The following FLI1 variants were observed in gnomAD, a reference collection of about 807,000 sequenced individuals.
The protein encoded by FLI1 is Fli-1 proto-oncogene, ETS transcription factor.
In FLI1, 13 loss-of-function variants were observed where a neutral mutation model predicts 53.1. The ratio of observed to expected loss-of-function variants is 0.24; its 90% CI spans 0.16 to 0.39. The LOEUF is 0.39. Ranked by LOEUF, FLI1 falls within the 10% of genes least tolerant of loss-of-function variation. The pLI, the probability that FLI1 is intolerant of heterozygous loss-of-function variation, is 1.00. For synonymous variants in FLI1, 244 were observed against 236.7 expected, an observed-to-expected ratio of 1.03 and a Z score of -0.28; for missense variants, 424 against 600.5, an observed-to-expected ratio of 0.71 and a Z score of 3.07.
At chr11:128,791,683 G>A (rs773501776) in intron 5 of FLI1, among the ~76,000 whole-genome samples, 2 of 152,180 alleles carry the variant, frequency 1.3e-5, no homozygotes, top group Non-Finnish European at 2.9e-5. Context: ...CTGCTGGTGT[G>A]GCATTGCCTT....
chr11:128,711,591 A>G (rs569356903), intron 1 of FLI1, among the ~76,000 whole-genome samples: 2 of 152,374 alleles, frequency 1.3e-5, no homozygotes, highest in East Asian at 3.9e-4. Flanking sequence ...TTATCAAAGA[A>G]AGGTATGGGC....
At chr11:128,754,515 G>A (rs1054336113) in intron 1 of FLI1, among the ~76,000 whole-genome samples, 2 of 152,244 alleles carry the variant, frequency 1.3e-5, no homozygotes, top group African/African-American at 2.4e-5. Flanking sequence ...GTCTAGTGGA[G>A]CAGTGAGAAT....
intron 1 of FLI1, among the ~76,000 whole-genome samples, chr11:128,707,955 T>C (rs550668812): frequency 2.0e-5 from 3 of 152,330 alleles, no homozygotes; most frequent in Non-Finnish European, 4.4e-5. Context: ...TAAATGTCCA[T>C]AGAAGCTTAA....
At chr11:128,743,688 C>T (rs1010622714) in intron 1 of FLI1, among the ~76,000 whole-genome samples, 1 of 152,134 alleles carries the variant, frequency 6.6e-6, no homozygotes, top group African/African-American at 2.4e-5. Context: ...AAGAATAGAA[C>T]ACTAACTGTC....
chr11:128,765,104 G>A (rs1941284606), intron 2 of FLI1, among the ~76,000 whole-genome samples: 1 of 152,196 alleles, frequency 6.6e-6, no homozygotes, highest in Non-Finnish European at 1.5e-5. Context: ...CTATGGGTCA[G>A]TGAATGAGGA....
chr11:128,750,170 A>C (rs1037455235), intron 1 of FLI1, among the ~76,000 whole-genome samples: 2 of 152,210 alleles, frequency 1.3e-5, no homozygotes, highest in Non-Finnish European at 2.9e-5. Context: ...AGAGCCCTGC[A>C]CTGGGAGCGG....
chr11:128,686,697 T>A (rs1471330225), exon 1 of FLI1: 7 of 344,334 alleles, frequency 2.0e-5, no homozygotes, highest in African/African-American at 1.5e-4. Context: ...TCGTCTTACA[T>A]CAAGGTAAGA....
chr11:128,708,464 C>T (rs1310751036), intron 1 of FLI1, among the ~76,000 whole-genome samples: 3 of 152,104 alleles, frequency 2.0e-5, no homozygotes, highest in South Asian at 2.1e-4. Context: ...TTTTATATAT[C>T]GGTCCCTCTA....
At chr11:128,690,307 G>A (rs532841398), upstream of FLI1, among the ~76,000 whole-genome samples, 1 of 152,302 alleles carries the variant, frequency 6.6e-6, no homozygotes, top group Non-Finnish European at 1.5e-5. Context: ...AGAGGGGCAT[G>A]GGAGGGGAGG....
At chr11:128,806,055 A>G (rs1942774251) in intron 6 of FLI1, 1 of 152,044 alleles carries the variant, frequency 6.6e-6, no homozygotes, top group Non-Finnish European at 1.5e-5. Context: ...CCTGTACCAG[A>G]AATCAAACTT....
In FLI1 at chr11:128,725,952, G is replaced by T. The variant is rs193253729; in HGVS notation, c.18+31676G>T. 9.8e-4 allele frequency among the ~76,000 whole-genome samples: 149 copies of T among 152,314 alleles called. No homozygotes were observed. In the East Asian group the frequency reaches 0.023, roughly 23 times the overall value. On this transcript the variant is annotated intron_variant, in intron 1 of 8. Transcript: ENST00000527786. ...AGTAGGGGACAAGGACAAGGCAGAA[G>T]AGAAGCCGGAGGGGACTGAGGAGTC...
intron 5 of FLI1, among the ~76,000 whole-genome samples, chr11:128,798,516 C>T (rs1007414202): frequency 2.6e-5 from 4 of 152,138 alleles, no homozygotes; most frequent in African/African-American, 9.6e-5. Flanking sequence ...GTCTTTTTTT[C>T]CCTTTGCCCA....
At chr11:128,778,439 T>C (rs1941811585) in intron 4 of FLI1, among the ~76,000 whole-genome samples, 1 of 152,166 alleles carries the variant, frequency 6.6e-6, no homozygotes, top group Non-Finnish European at 1.5e-5. Context: ...ATTTCTACGA[T>C]TTAGCCTGGA....
At chr11:128,798,890 G>A (rs1289991330) in intron 5 of FLI1, among the ~76,000 whole-genome samples, 1 of 152,118 alleles carries the variant, frequency 6.6e-6, no homozygotes, top group Non-Finnish European at 1.5e-5. Context: ...GGTAATGCCT[G>A]GGCCTAACAG....
chr11:128,702,900 G>A lies in FLI1; in HGVS notation c.18+8624G>A, dbSNP rs552130357. 2.0e-5 allele frequency among the ~76,000 whole-genome samples: 3 copies of A among 149,694 alleles called. No homozygotes were observed. The South Asian group carries it at 6.3e-4, about 31-fold the overall frequency. On this transcript the variant is annotated intron_variant, in intron 1 of 8. Transcript: ENST00000527786. ...AAAAACATGGAGAAAAATACCATAG[G>A]TAAGGTGAAAACTAAATGAGAAACG...
intron 1 of FLI1, among the ~76,000 whole-genome samples, chr11:128,725,274 A>T (rs138394011): frequency 6.6e-6 from 1 of 152,226 alleles, no homozygotes; most frequent in Non-Finnish European, 1.5e-5. Context: ...CAGAAACTCA[A>T]TCAAGGTCTT....
rs536734674 is a variant in FLI1 at position 128,700,479 on chromosome 11, G to T, written c.18+6203G>T. ...AACTATGGTAAAGGGCTTTCTAGGAGAGTGGAGGGTACTTTGGGGAGGAAA... is the reference window on the plus strand; with the variant it reads ...AACTATGGTAAAGGGCTTTCTAGGATAGTGGAGGGTACTTTGGGGAGGAAA... On this transcript the variant is annotated intron_variant, in intron 1 of 8. Coordinates refer to ENST00000527786, the MANE Select transcript of FLI1 (RefSeq NM_002017.5). 1.2e-4 allele frequency among the ~76,000 whole-genome samples: 19 copies of T among 152,366 alleles called. No homozygotes were observed. The South Asian group carries it at 3.7e-3, about 30-fold the overall frequency.
intron 1 of FLI1, among the ~76,000 whole-genome samples, chr11:128,709,710 C>T (rs567452318): frequency 6.6e-5 from 10 of 152,348 alleles, no homozygotes; most frequent in Non-Finnish European, 1.2e-4. Context: ...TGCTACAGCA[C>T]TCCCTTGTGA....
intron 2 of FLI1, among the ~76,000 whole-genome samples, chr11:128,767,242 T>A (rs111695625): frequency 0.015 from 2,255 of 152,330 alleles, 31 homozygotes; most frequent in Non-Finnish European, 0.021. Flanking sequence ...CTCTTGTGAA[T>A]GTCCATACTG....
Sources: allele counts gnomAD v4.1 joint callset (sites outside exome capture counted in the v4.1 genomes callset), GRCh38; gene constraint gnomAD v4.1.1; transcripts MANE v1.5; gene names NCBI Gene and HGNC (gene_info 2026-07-23, HGNC 2026-07-21).